HOXD3: variants seen among roughly 807,000 people sequenced by gnomAD.
The protein encoded by HOXD3 is homeobox D3.
A neutral mutation model predicts 32.8 loss-of-function variants in HOXD3; 13 were observed. The ratio of observed to expected loss-of-function variants is 0.40; its 90% CI spans 0.26 to 0.63. HOXD3 has a LOEUF of 0.63. Among genes scored for constraint, HOXD3 ranks in the 20% least tolerant of loss-of-function variants. HOXD3 has a pLI of 0.44. For missense variants in HOXD3, 504 were observed against 577.1 expected (o/e 0.87, Z 1.30); for synonymous variants, 241 against 246.8 (o/e 0.98, Z 0.22).
upstream of HOXD3, chr2:176,153,090 TC>T: frequency 2.2e-6 from 1 of 449,024 alleles, no homozygotes; most frequent in Admixed American, 3.2e-5. Flanking sequence ...TAGGTTAGCA[TC>T]CTGCCCGAGG....
In HOXD3 at chr2:176,171,587, G is replaced by A; in HGVS notation, c.612G>A (p.Ala204=). The A allele has an allele frequency of 6.2e-7, 1 of 1,613,704 alleles. No individual in the cohort carries two copies. Among genetic ancestry groups the A allele is most frequent in the Non-Finnish European group, 8.5e-7 (1 of 1,179,796 alleles). The change falls in exon 4 of 4, where the codon GCG becomes GCA. Residue 204 remains alanine (A), a synonymous_variant. Coordinates refer to ENST00000683222, the MANE Select transcript of HOXD3 (RefSeq NM_006898.5). ...SKRVRTAYTS[A]QLVELEKEFH... is the part of the protein sequence containing the mutation. ...GGGTACGCACGGCATACACGAGCGC[G>A]CAGCTGGTGGAATTGGAAAAGGAAT...
upstream of HOXD3, among the ~76,000 whole-genome samples, chr2:176,154,548 A>C (rs1052625879): frequency 2.6e-5 from 4 of 152,216 alleles, no homozygotes; most frequent in Non-Finnish European, 5.9e-5. Flanking sequence ...TACTTCAAAA[A>C]CACTTTAGAA....
At chr2:176,160,826 T>C (rs1690777391) in intron 1 of HOXD3, 1 of 152,216 alleles carries the variant, frequency 6.6e-6, no homozygotes, top group Admixed American at 6.5e-5. Flanking sequence ...GGTGGACCGA[T>C]GGGCGCGCAG....
intron 2 of HOXD3, among the ~76,000 whole-genome samples, chr2:176,168,279 A>AAAC: frequency 6.6e-6 from 1 of 151,614 alleles, no homozygotes; most frequent in Non-Finnish European, 1.5e-5. Flanking sequence ...AAAAAAAAAA[A>AAAC]ACTAAGAGCT....
intron 2 of HOXD3, 104 bp from the exon 3 acceptor site, chr2:176,168,927 C>A (rs780958588): frequency 2.6e-6 from 2 of 776,560 alleles, no homozygotes; most frequent in Admixed American, 3.5e-5. Context: ...CCCATCTCCC[C>A]GCCGTGAAGT....
In HOXD3 at chr2:176,171,855, T is replaced by A; in HGVS notation, c.880T>A (p.Tyr294Asn). The change falls in exon 4 of 4, where the codon TAC becomes AAC. Residue 294 changes from tyrosine to asparagine, a missense_variant. Physicochemically the swap from Tyr to Asn is moderately radical, Grantham distance 143 (BLOSUM62 -2). This residue lies in a region of HOXD3 where 226 missense variants were observed against 246.9 expected (regional missense o/e 0.92). Transcript: ENST00000683222. Reference protein sequence around the residue: ...GQLPPVPGLAYDAPSPPAFAK... With the variant: ...GQLPPVPGLANDAPSPPAFAK... The stretch of plus-strand genomic sequence containing the variant: ...GCTGCCGCCAGTGCCCGGCCTGGCC[T>A]ACGACGCGCCCTCGCCGCCTGCTTT... 6.2e-7 allele frequency: 1 copy of A among 1,602,878 alleles called. No individual in the cohort carries two copies. Among genetic ancestry groups the A allele is most frequent in the Non-Finnish European group, 8.5e-7 (1 of 1,174,900 alleles).
Position 176,169,471 on chromosome 2 carries a change from C to T in HOXD3, c.357C>T (p.Pro119=), listed in dbSNP as rs375537887. 3.2e-5 allele frequency: 51 copies of T among 1,612,906 alleles called. No homozygotes were observed. Among genetic ancestry groups the T allele is most frequent in the Non-Finnish European group, 4.3e-5 (51 of 1,179,530 alleles). Residue 119 remains proline (P), a synonymous_variant, in exon 3 of 4, where the codon CCC becomes CCT. Transcript: ENST00000683222. ...GLNSEQQPPQ[P]PPPPPTLPPS... ...ACTCAGAGCAGCAGCCACCACAACC[C>T]CCTCCTCCACCACCGACCCTGCCCC...
Position 176,171,877 on chromosome 2 carries a change from C to T in HOXD3, c.902C>T (p.Ala301Val). ...GLAYDAPSPPAFAKSQPNMYG... is the reference protein window; with the variant it reads ...GLAYDAPSPPVFAKSQPNMYG... The stretch of plus-strand genomic sequence containing the variant: ...GCCTACGACGCGCCCTCGCCGCCTG[C>T]TTTCGCCAAATCACAGCCCAATATG... Residue 301 changes from alanine to valine, a missense_variant, in exon 4 of 4, where the codon GCT becomes GTT. Ala to Val is a moderately conservative substitution (Grantham distance 64). This residue lies in a region of HOXD3 where 226 missense variants were observed against 246.9 expected (regional missense o/e 0.92). Transcript: ENST00000683222. 6.2e-7 allele frequency: 1 copy of T among 1,602,660 alleles called. No homozygotes were observed. The highest frequency in any genetic ancestry group is 8.5e-7 in the Non-Finnish European group (1 of 1,175,010).
intron 1 of HOXD3, among the ~76,000 whole-genome samples, chr2:176,158,825 C>G (rs1358630849): frequency 5.8e-5 from 8 of 137,616 alleles, no homozygotes; most frequent in African/African-American, 2.2e-4. Context: ...CCACCCCCCC[C>G]ACTCCAACCC....
upstream of HOXD3, among the ~76,000 whole-genome samples, chr2:176,154,659 G>A (rs1431558429): frequency 6.6e-6 from 1 of 152,200 alleles, no homozygotes; most frequent in East Asian, 1.9e-4. Flanking sequence ...CTGAGGGCAG[G>A]TATTCACTGC....
Position 176,168,274 on chromosome 2 carries a change from A to AC in HOXD3, c.-84-757_-84-756insC, listed in dbSNP as rs918550684. On this transcript the variant is annotated intron_variant, in intron 2 of 3. Coordinates refer to ENST00000683222, the MANE Select transcript of HOXD3 (RefSeq NM_006898.5). The stretch of plus-strand genomic sequence containing the variant: ...ACCCTGTCTCTACAAAAAAAAAAAA[A>AC]AAAAAACTAAGAGCTGGCGCAGTGG... 4.2e-4 allele frequency among the ~76,000 whole-genome samples: 63 copies of AC among 150,032 alleles called. 1 individual carries two copies. The East Asian group carries it at 0.012, about 28-fold the overall frequency.
chr2:176,153,328 T>C (rs1168417032), upstream of HOXD3: 5 of 233,504 alleles, frequency 2.1e-5, no homozygotes, highest in African/African-American at 1.1e-4. Context: ...GCTTTGTGGC[T>C]TAATAATGTG....
At chr2:176,166,292 C>G (rs1690968944) in intron 2 of HOXD3, among the ~76,000 whole-genome samples, 1 of 152,216 alleles carries the variant, frequency 6.6e-6, no homozygotes, top group Non-Finnish European at 1.5e-5. Context: ...AAGAACTGGT[C>G]AGTTCCTAAG....
At chr2:176,153,290 A>G, upstream of HOXD3, 1 of 303,736 alleles carries the variant, frequency 3.3e-6, no homozygotes, top group Non-Finnish European at 6.3e-6. Context: ...GAATTTGGAC[A>G]TTCTCCCCCA....
upstream of HOXD3, among the ~76,000 whole-genome samples, chr2:176,153,928 G>A (rs1445089555): frequency 6.6e-6 from 1 of 152,104 alleles, no homozygotes; most frequent in African/African-American, 2.4e-5. Context: ...TGAATTTTCT[G>A]TTCCAACTGG....
At chr2:176,157,525 A>G (rs1690674059) in intron 1 of HOXD3, among the ~76,000 whole-genome samples, 73 bp downstream of exon 1, 2 of 151,926 alleles carry the variant, frequency 1.3e-5, no homozygotes, top group Non-Finnish European at 2.9e-5. Flanking sequence ...GCCGCTGACA[A>G]ATAGTTCCCT....
chr2:176,153,956 T>C (rs539768504), upstream of HOXD3, among the ~76,000 whole-genome samples: 3 of 152,100 alleles, frequency 2.0e-5, no homozygotes, highest in East Asian at 5.8e-4. Flanking sequence ...ATGCCCTAAA[T>C]ACCCTCATAT....
chr2:176,158,309 C>T (rs1160874083), intron 1 of HOXD3, among the ~76,000 whole-genome samples: 1 of 152,182 alleles, frequency 6.6e-6, no homozygotes, highest in Non-Finnish European at 1.5e-5. Context: ...TTTCTCTGCT[C>T]GCTCCCGTTT....
chr2:176,158,590 TTG>T (rs758297802), intron 1 of HOXD3, among the ~76,000 whole-genome samples: 31 of 151,788 alleles, frequency 2.0e-4, no homozygotes, highest in Non-Finnish European at 1.2e-4. Flanking sequence ...GCGTGTGTGT[TTG>T]TGTGTGTGTG....
Sources: allele counts gnomAD v4.1 joint callset (sites outside exome capture counted in the v4.1 genomes callset), GRCh38; gene constraint gnomAD v4.1.1; regional missense constraint gnomAD v4.1.1; transcripts MANE v1.5; gene names NCBI Gene and HGNC (gene_info 2026-07-23, HGNC 2026-07-21).